Variants in RGS6 observed in about 807,000 individuals in gnomAD.
RGS6 encodes regulator of G-protein signaling 6.
A neutral mutation model predicts 78.5 loss-of-function variants in RGS6; 30 were observed. The ratio of observed to expected loss-of-function variants is 0.38; its 90% CI spans 0.29 to 0.52. The LOEUF (loss-of-function observed/expected upper bound fraction) is 0.52. RGS6 is among the 20% of genes least tolerant of loss of function. RGS6 has a pLI of 0.85. For synonymous variants in RGS6, 206 were observed against 206.0 expected, an observed-to-expected ratio of 1.00 and a Z score of 0.00; for missense variants, 495 against 609.7, an observed-to-expected ratio of 0.81 and a Z score of 1.98.
intron 2 of RGS6, among the ~76,000 whole-genome samples, chr14:72,261,812 A>G (rs2058215625): frequency 6.6e-6 from 1 of 152,180 alleles, no homozygotes. Flanking sequence ...TCTAAAATTC[A>G]CTTGAAAAAT....
At chr14:72,261,179 GC>G (rs1418053291) in intron 2 of RGS6, among the ~76,000 whole-genome samples, 1 of 152,182 alleles carries the variant, frequency 6.6e-6, no homozygotes, top group African/African-American at 2.4e-5. Context: ...GGATGTGACT[GC>G]CTGCCTTGCA....
the RGS6 span, among the ~76,000 whole-genome samples, chr14:71,897,144 A>G: frequency 6.6e-6 from 1 of 152,256 alleles, no homozygotes; most frequent in East Asian, 1.9e-4. Context: ...ACTGCCTAGC[A>G]TAGTGCTAGG....
intron 2 of RGS6, among the ~76,000 whole-genome samples, chr14:72,244,154 G>A (rs1039631436): frequency 2.6e-5 from 4 of 152,078 alleles, no homozygotes; most frequent in South Asian, 2.1e-4. Context: ...GAGTGATAGC[G>A]CAGGGAACAG....
intron 2 of RGS6, among the ~76,000 whole-genome samples, chr14:71,974,616 G>A (rs750007416): frequency 6.6e-6 from 1 of 152,130 alleles, no homozygotes; most frequent in African/African-American, 2.4e-5. Context: ...ACATTCTAGG[G>A]TATGGTTAGG....
At chr14:72,482,772 C>T (rs555508854) in intron 12 of RGS6, among the ~76,000 whole-genome samples, 9 of 152,178 alleles carry the variant, frequency 5.9e-5, no homozygotes, top group East Asian at 1.9e-4. Flanking sequence ...GGCATTCTGT[C>T]GCTTCTGTTA....
intron 2 of RGS6, among the ~76,000 whole-genome samples, chr14:72,173,951 C>T (rs1023518829): frequency 6.6e-6 from 1 of 152,054 alleles, no homozygotes; most frequent in African/African-American, 2.4e-5. Context: ...TGTGTAGGGA[C>T]ACAGCCTCTT....
intron 2 of RGS6, among the ~76,000 whole-genome samples, chr14:71,978,360 G>T (rs550492358): frequency 7.9e-5 from 9 of 113,350 alleles, no homozygotes; most frequent in Admixed American, 2.1e-4. Context: ...AGGGAATGCT[G>T]CCAGTTTTTG....
rs148414262 is a variant in RGS6, at chr14:71,965,541, G to A, written c.84+666G>A. Among the ~76,000 whole-genome samples, 680 of 152,284 alleles carry A rather than the reference G, an allele frequency of 4.5e-3. 9 individuals are homozygous for A. The highest frequency in any genetic ancestry group is 0.015 in the African/African-American group (630 of 41,560). ...AGAGCTGAGGAAAGTAACAGCAACC[G>A]GAACTGGTTAGCTTGGACATAGGAT... is the stretch of plus-strand genomic sequence containing the variant. On this transcript the variant is annotated intron_variant, in intron 2 of 17. Transcript: ENST00000553525.
chr14:72,228,158 A>G (rs2048596584), intron 2 of RGS6, among the ~76,000 whole-genome samples: 1 of 151,862 alleles, frequency 6.6e-6, no homozygotes, highest in Non-Finnish European at 1.5e-5. Flanking sequence ...GTGGGTAGAT[A>G]ACTTGAGGCC....
At chr14:72,616,080 A>G in the RGS6 span, among the ~76,000 whole-genome samples, 2 of 152,156 alleles carry the variant, frequency 1.3e-5, no homozygotes, top group African/African-American at 2.4e-5. Context: ...GACCATCATC[A>G]TGCCAGACCC....
intron 2 of RGS6, among the ~76,000 whole-genome samples, chr14:72,044,804 T>C (rs1469000556): frequency 2.0e-5 from 3 of 151,900 alleles, no homozygotes; most frequent in Non-Finnish European, 4.4e-5. Context: ...ACTTGGGAGG[T>C]GGAGGTTGCA....
intron 2 of RGS6, among the ~76,000 whole-genome samples, chr14:71,985,105 T>C (rs189560593): frequency 6.6e-6 from 1 of 152,292 alleles, no homozygotes; most frequent in Admixed American, 6.5e-5. Flanking sequence ...TATGTCATCA[T>C]TATCATAGTT....
At chr14:72,396,537 T>C (rs1036287141) in intron 3 of RGS6, among the ~76,000 whole-genome samples, 1 of 152,144 alleles carries the variant, frequency 6.6e-6, no homozygotes, top group African/African-American at 2.4e-5. Context: ...GTGCAGAAGC[T>C]CTTTAGTCTG....
chr14:72,154,052 C>T (rs1001051460), intron 2 of RGS6, among the ~76,000 whole-genome samples: 1 of 152,030 alleles, frequency 6.6e-6, no homozygotes, highest in Non-Finnish European at 1.5e-5. Flanking sequence ...TAGACCTCGC[C>T]CCAGGAATGC....
the RGS6 span, among the ~76,000 whole-genome samples, chr14:72,580,307 T>TCCCCCCCCCCCCCCCCCCCCCCCCCCCC: frequency 7.8e-6 from 1 of 127,510 alleles, no homozygotes; most frequent in African/African-American, 3.6e-5. Context: ...AGCAAAAATG[T>TCCCCCCCCCCCCCCCCCCCCCCCCCCCC]CCCCCCCACC....
chr14:71,996,486 C>T (rs760604064), intron 2 of RGS6, among the ~76,000 whole-genome samples: 3 of 151,934 alleles, frequency 2.0e-5, no homozygotes, highest in East Asian at 1.9e-4. Context: ...GGGGGATTAC[C>T]GGTGTTGTTT....
At chr14:71,867,643 G>A in the RGS6 span, among the ~76,000 whole-genome samples, 1 of 152,270 alleles carries the variant, frequency 6.6e-6, no homozygotes, top group African/African-American at 2.4e-5. Flanking sequence ...CATTTCAACT[G>A]CTGGTTGGGG....
the RGS6 span, among the ~76,000 whole-genome samples, chr14:72,586,476 T>C: frequency 1.3e-5 from 2 of 152,226 alleles, no homozygotes; most frequent in South Asian, 4.1e-4. Context: ...GCTGGTGTCA[T>C]GCTTCTTGTA....
chr14:72,287,415 AG>A (rs1156912277), intron 2 of RGS6, among the ~76,000 whole-genome samples: 1 of 152,142 alleles, frequency 6.6e-6, no homozygotes, highest in Non-Finnish European at 1.5e-5. Context: ...ATTTTTCGTT[AG>A]TATAATGTTA....
Sources: gnomAD v4.1 joint callset for allele counts (sites outside exome capture counted in the v4.1 genomes callset) on GRCh38, gnomAD v4.1.1 for gene constraint, MANE v1.5 for transcripts, NCBI Gene and HGNC (gene_info 2026-07-23, HGNC 2026-07-21) for gene names.